The following BOC variants were observed in gnomAD, a reference collection of about 807,000 sequenced individuals.
BOC encodes the protein brother of CDO.
Under a neutral mutation model 112.0 loss-of-function variants are expected in BOC, and 76 were observed. The observed-to-expected ratio is 0.68, with a 90% CI of 0.56 to 0.82. BOC has a LOEUF of 0.82. Ranked by LOEUF, BOC falls within the 40% of genes least tolerant of loss-of-function variation. The probability of loss-of-function intolerance (pLI) is 0.00; values close to 1 mark genes in which losing one functional copy is unlikely to be tolerated. For synonymous variants in BOC, 580 were observed against 599.8 expected, an observed-to-expected ratio of 0.97 and a Z score of 0.48; for missense variants, 1,309 against 1,511.7, an observed-to-expected ratio of 0.87 and a Z score of 2.22.
chr3:113,272,994 T>C, intron 7 of BOC, 75 bp from the exon 8 acceptor site: 1 of 1,519,112 alleles, frequency 6.6e-7, no homozygotes, highest in Non-Finnish European at 8.9e-7. Flanking sequence ...TGCTCCTAAC[T>C]ACATCCCTCC....
chr3:113,263,620 C>T lies in BOC; in HGVS notation c.377-4679C>T, dbSNP rs187515909. Among the ~76,000 whole-genome samples the T allele has an allele frequency of 2.0e-3, 305 of 152,246 alleles. 1 individual carries two copies. Among genetic ancestry groups the T allele is most frequent in the Admixed American group, 3.3e-3 (51 of 15,298 alleles). On this transcript the variant is annotated intron_variant, in intron 4 of 19. Coordinates refer to ENST00000682979, the MANE Select transcript of BOC (RefSeq NM_001378074.1). ...ACCCAACACATCCTGTAGTTGGACA[C>T]GTAAAGTCCATGAAAATTGGGGGAT...
chr3:113,259,567 C>T (rs1264528369), intron 4 of BOC, among the ~76,000 whole-genome samples: 3 of 152,098 alleles, frequency 2.0e-5, no homozygotes, highest in East Asian at 1.9e-4. Flanking sequence ...CCCTGTTTCT[C>T]GTGTGTGTGT....
intron 1 of BOC, among the ~76,000 whole-genome samples, chr3:113,214,901 T>C (rs1245311206): frequency 2.0e-5 from 3 of 152,260 alleles, no homozygotes; most frequent in Non-Finnish European, 2.9e-5. Flanking sequence ...TTATTTATTG[T>C]ACAAGCATCT....
Position 113,260,702 on chromosome 3 carries a change from C to CAGAA in BOC, c.377-7596_377-7593dup, listed in dbSNP as rs1553738029. Among the ~76,000 whole-genome samples, 1,055 of 135,088 alleles carry CAGAA rather than the reference C, an allele frequency of 7.8e-3. 12 individuals carry two copies. Among genetic ancestry groups the CAGAA allele is most frequent in the African/African-American group, 0.029 (938 of 32,014 alleles). The allele number at this position is 135,088 out of a possible 152,430, so 88.6% of individuals were successfully genotyped here. On this transcript the variant is annotated intron_variant, in intron 4 of 19. Transcript: ENST00000682979. ...CAGAACAGAACAGAACAGAACAGAA[C>CAGAA]AGAACAGAACAGAACAGAAAGAACA...
chr3:113,254,987 T>C (rs1946075304), intron 4 of BOC, among the ~76,000 whole-genome samples: 1 of 152,094 alleles, frequency 6.6e-6, no homozygotes, highest in South Asian at 2.1e-4. Context: ...ACCTGCACTC[T>C]CTCCCTCCCT....
intron 2 of BOC, among the ~76,000 whole-genome samples, chr3:113,227,815 C>A (rs1489526008): frequency 6.6e-6 from 1 of 151,750 alleles, no homozygotes; most frequent in Non-Finnish European, 1.5e-5. Flanking sequence ...GTATCATGAA[C>A]CCCATGTACC....
Position 113,275,093 on chromosome 3 carries a change from T to G in BOC, c.1542+411T>G, listed in dbSNP as rs573918403. Among the ~76,000 whole-genome samples the G allele has an allele frequency of 2.6e-5, 4 of 152,340 alleles. No individual in the cohort carries two copies. In the South Asian group the frequency reaches 6.2e-4, roughly 24 times the overall value. ...ATGAAAGTAAGCCGTGCTGGGTACA[T>G]ACCTGCAGGAACCCTGGCATGGTAA... is the stretch of plus-strand genomic sequence containing the variant. On this transcript the variant is annotated intron_variant, in intron 9 of 19. Transcript: ENST00000682979.
chr3:113,281,788 A>G (rs139438291), intron 15 of BOC, among the ~76,000 whole-genome samples: 61 of 152,382 alleles, frequency 4.0e-4, no homozygotes, highest in Non-Finnish European at 7.3e-4. Context: ...GAATAGAGAC[A>G]GAACAACACA....
At chr3:113,279,801 T>C in intron 12 of BOC, 23 bp from the exon 13 acceptor site, 2 of 1,584,224 alleles carry the variant, frequency 1.3e-6, no homozygotes, top group South Asian at 2.3e-5. Context: ...GCTCCTGAGT[T>C]CAGTGAGTGT....
At position 113,278,621 on chromosome 3, in the gene BOC, G is replaced by C. The variant is rs980611027; in HGVS notation, c.1706-52G>C. ...CAGGCAAAAAGGACTCTGTGGGAGG[G>C]AGATCTCATGCCTGCTTCCTCCCTT... On this transcript the variant is annotated intron_variant, in intron 10 of 19. Coordinates refer to ENST00000682979, the MANE Select transcript of BOC (RefSeq NM_001378074.1). This position sits in a 1 kb window ranked among gnomAD's most constrained non-coding sequence, Gnocchi z 4.2. 1.6e-5 allele frequency: 23 copies of C among 1,448,480 alleles called. No individual in the cohort carries two copies. The highest frequency in any genetic ancestry group is 2.1e-5 in the Non-Finnish European group (22 of 1,054,356). 89.7% of individuals were successfully genotyped at this position (1,448,480 alleles called of 1,614,324 possible).
intron 15 of BOC, among the ~76,000 whole-genome samples, chr3:113,281,744 A>C (rs1949220666): frequency 6.6e-6 from 1 of 152,260 alleles, no homozygotes; most frequent in Admixed American, 6.5e-5. Flanking sequence ...TGTATTGCAA[A>C]GAACATAATC....
chr3:113,240,275 T>G (rs753978020), intron 2 of BOC, among the ~76,000 whole-genome samples: 3 of 152,192 alleles, frequency 2.0e-5, no homozygotes, highest in Non-Finnish European at 4.4e-5. Context: ...ACGAGCACAG[T>G]GTCTGCCTTG....
rs751016189 is a variant in BOC, at chr3:113,279,824, G to T, written c.2024G>T (p.Gly675Val). 15 of 1,602,334 alleles carry T rather than the reference G, an allele frequency of 9.4e-6. No individual in the cohort carries two copies. The change falls in exon 13 of 20, where the codon GGC becomes GTC. Residue 675 changes from glycine to valine, a missense_variant and splice_region_variant. Gly to Val is a moderately radical substitution (Grantham distance 109). Transcript: ENST00000682979. ...LSVEITGLEK[G>V]TSYKFRVRAL... is the part of the protein sequence containing the mutation. ...GTTCAGTGAGTGTCCCTCTCACCAGGCACCTCCTACAAGTTTCGAGTCCGG... is the reference window on the plus strand; with the variant it reads ...GTTCAGTGAGTGTCCCTCTCACCAGTCACCTCCTACAAGTTTCGAGTCCGG...
At position 113,287,020 on chromosome 3, in the gene BOC, A is replaced by G; in HGVS notation, c.*158A>G. The stretch of plus-strand genomic sequence containing the variant: ...AAATGTATATGTTTTATAATTCTGG[A>G]GAGACATAAGGAGTCCTACCCGTTG... On this transcript the variant is annotated 3_prime_UTR_variant, in exon 20 of 20. Transcript: ENST00000682979. The G allele has an allele frequency of 1.1e-6, 1 of 882,510 alleles. No individual in the cohort carries two copies. Among genetic ancestry groups the G allele is most frequent in the African/African-American group, 1.7e-5 (1 of 59,970 alleles). 54.7% of individuals were successfully genotyped at this position (882,510 alleles called of 1,614,324 possible). A position where few individuals can be genotyped will look rare whatever the true frequency, so the allele number is the denominator to read the frequency against.
At chr3:113,247,500 G>GAAAAAAAAAAAA (rs58781225) in intron 2 of BOC, among the ~76,000 whole-genome samples, 1 of 125,784 alleles carries the variant, frequency 8.0e-6, no homozygotes, top group Non-Finnish European at 1.6e-5. Context: ...GCCCTGATAG[G>GAAAAAAAAAAAA]AAAAAAAAAA....
intron 4 of BOC, among the ~76,000 whole-genome samples, chr3:113,267,549 T>C (rs984446387): frequency 6.6e-6 from 1 of 152,130 alleles, no homozygotes; most frequent in African/African-American, 2.4e-5. Context: ...CTCTTTGTCT[T>C]AGAAAACCCT....
intron 2 of BOC, among the ~76,000 whole-genome samples, chr3:113,237,461 G>A (rs1943717864): frequency 6.6e-6 from 1 of 152,146 alleles, no homozygotes; most frequent in Non-Finnish European, 1.5e-5. Flanking sequence ...GGTGGCACAG[G>A]CATGGTCTCA....
intron 2 of BOC, among the ~76,000 whole-genome samples, chr3:113,238,247 C>T (rs983319075): frequency 5.3e-5 from 8 of 152,242 alleles, no homozygotes; most frequent in South Asian, 4.1e-4. Context: ...TTAGGGCTTA[C>T]GGGAGGCAGA....
chr3:113,285,412 A>T lies in BOC; in HGVS notation c.3007A>T (p.Thr1003Ser). 6.2e-7 allele frequency: 1 copy of T among 1,613,608 alleles called. No individual in the cohort carries two copies. The highest frequency in any genetic ancestry group is 8.5e-7 in the Non-Finnish European group (1 of 1,179,860). The part of the protein sequence containing the change: ...SSPDEGSFLY[T>S]LPDDSTHQLL... The stretch of plus-strand genomic sequence containing the variant: ...CCCGGACGAGGGCTCTTTCTTATAC[A>T]CACTGCCCGACGACTCCACTCACCA... Residue 1003 changes from threonine to serine, a missense_variant, in exon 19 of 20, where the codon ACA becomes TCA. By Grantham distance (58) the Thr-to-Ser change is moderately conservative. Coordinates refer to ENST00000682979, the MANE Select transcript of BOC (RefSeq NM_001378074.1).
Sources: allele counts gnomAD v4.1 joint callset (sites outside exome capture counted in the v4.1 genomes callset), GRCh38; gene constraint gnomAD v4.1.1; non-coding constraint Gnocchi (gnomAD v3.1); transcripts MANE v1.5; gene names NCBI Gene and HGNC (gene_info 2026-07-23, HGNC 2026-07-21).